SGCD: variants seen among roughly 807,000 people sequenced by gnomAD.
SGCD encodes the protein sarcoglycan delta, also known as delta-sarcoglycan.
SGCD carries 18 observed loss-of-function variants against 36.6 expected under a neutral mutation model. The ratio of observed to expected loss-of-function variants is 0.49; its 90% CI spans 0.34 to 0.73. The LOEUF (loss-of-function observed/expected upper bound fraction) is 0.73, where lower values mean the gene tolerates loss of function less well. Ranked by LOEUF, SGCD falls within the 30% of genes least tolerant of loss-of-function variation. The pLI, the probability that SGCD is intolerant of heterozygous loss-of-function variation, is 0.01. For missense variants in SGCD, 387 were observed against 346.7 expected (o/e 1.12, Z -0.92); for synonymous variants, 133 against 130.6 (o/e 1.02, Z -0.12).
chr5:156,712,969 T>C (rs1287297730), intron 7 of SGCD, among the ~76,000 whole-genome samples: 1 of 152,202 alleles, frequency 6.6e-6, no homozygotes, highest in African/African-American at 2.4e-5. Flanking sequence ...TGCCATCATC[T>C]AGAGAGACAA....
At chr5:156,087,006 G>GCC (rs1283945279) in intron 1 of SGCD, among the ~76,000 whole-genome samples, 1 of 152,126 alleles carries the variant, frequency 6.6e-6, no homozygotes, top group Non-Finnish European at 1.5e-5. Flanking sequence ...CATGAAGGAA[G>GCC]CCTGTTGGAG....
chr5:156,189,435 G>C (rs1324990367), intron 3 of SGCD, among the ~76,000 whole-genome samples: 1 of 152,202 alleles, frequency 6.6e-6, no homozygotes, highest in Non-Finnish European at 1.5e-5. Flanking sequence ...TTTTAGAACT[G>C]GAAGGGGACC....
intron 1 of SGCD, among the ~76,000 whole-genome samples, chr5:156,029,876 T>C (rs1274721022): frequency 6.6e-6 from 1 of 152,186 alleles, no homozygotes; most frequent in Non-Finnish European, 1.5e-5. Context: ...CTTGGAAACT[T>C]ACAGCCTCTT....
At chr5:156,045,091 A>G (rs754665321) in intron 1 of SGCD, among the ~76,000 whole-genome samples, 2 of 152,178 alleles carry the variant, frequency 1.3e-5, no homozygotes, top group African/African-American at 4.8e-5. Context: ...TGAGACAGAA[A>G]GAGAATTGGG....
chr5:155,959,317 G>C (rs934614618), intron 1 of SGCD, among the ~76,000 whole-genome samples: 3 of 152,136 alleles, frequency 2.0e-5, no homozygotes, highest in Admixed American at 1.3e-4. Flanking sequence ...GTGCAGAGCT[G>C]TCTCCTTCAT....
intron 3 of SGCD, among the ~76,000 whole-genome samples, chr5:156,353,102 A>G (rs1769336259): frequency 6.6e-6 from 1 of 152,250 alleles, no homozygotes; most frequent in South Asian, 2.1e-4. Context: ...TCCATAACTC[A>G]GGACCCTGAC....
intron 7 of SGCD, among the ~76,000 whole-genome samples, chr5:156,681,015 A>G (rs759268682): frequency 6.6e-6 from 1 of 152,038 alleles, no homozygotes; most frequent in Non-Finnish European, 1.5e-5. Context: ...TGGCAGAAGC[A>G]GGCTCTCTGT....
chr5:156,534,991 T>G (rs977398240), intron 4 of SGCD, among the ~76,000 whole-genome samples: 11 of 152,228 alleles, frequency 7.2e-5, no homozygotes, highest in Non-Finnish European at 1.5e-5. Context: ...CATTTATTAA[T>G]TCCAGTTGCA....
intron 7 of SGCD, among the ~76,000 whole-genome samples, chr5:156,691,756 C>G (rs1339529368): frequency 6.6e-6 from 1 of 152,158 alleles, no homozygotes; most frequent in East Asian, 1.9e-4. Context: ...TTACCAACCC[C>G]TAGATTGGAA....
At chr5:155,814,334 G>A in the SGCD span, among the ~76,000 whole-genome samples, 6 of 152,254 alleles carry the variant, frequency 3.9e-5, no homozygotes, top group African/African-American at 1.4e-4. Context: ...ATTTTAAACT[G>A]TCACTTCTCT....
intron 3 of SGCD, among the ~76,000 whole-genome samples, chr5:156,350,880 C>T (rs1220045500): frequency 1.3e-5 from 2 of 152,178 alleles, no homozygotes; most frequent in African/African-American, 4.8e-5. Context: ...ACCCAAGGCT[C>T]AGAGAAGTTG....
intron 1 of SGCD, among the ~76,000 whole-genome samples, chr5:155,974,500 T>C (rs140540781): frequency 0.015 from 2,255 of 151,164 alleles, 26 homozygotes; most frequent in Non-Finnish European, 0.02. Flanking sequence ...ATCCACAGGG[T>C]ATCCAATGAT....
chr5:156,179,619 A>AC (rs1763555770), intron 3 of SGCD, among the ~76,000 whole-genome samples: 1 of 145,030 alleles, frequency 6.9e-6, no homozygotes, highest in Non-Finnish European at 1.5e-5. Flanking sequence ...TAATTTTCCA[A>AC]CTTTTTTTTT....
At chr5:156,373,619 C>T (rs183395843) in intron 3 of SGCD, among the ~76,000 whole-genome samples, 1,571 of 152,232 alleles carry the variant, frequency 0.01, 18 homozygotes, top group Non-Finnish European at 0.016. Context: ...CCTTACATTT[C>T]CAGAAATCTC....
intron 1 of SGCD, among the ~76,000 whole-genome samples, chr5:156,094,151 C>G (rs1463817516): frequency 1.3e-5 from 2 of 152,062 alleles, no homozygotes; most frequent in African/African-American, 4.8e-5. Context: ...AGACATTGGC[C>G]AGGGGGAGAG....
chr5:156,309,599 GC>G (rs1767333120), intron 3 of SGCD, among the ~76,000 whole-genome samples: 1 of 126,474 alleles, frequency 7.9e-6, no homozygotes, highest in Non-Finnish European at 1.6e-5. Context: ...AGATCTTTGA[GC>G]ATTTTTTTTT....
chr5:156,037,574 TTG>T (rs1759529875), intron 1 of SGCD, among the ~76,000 whole-genome samples: 1 of 152,228 alleles, frequency 6.6e-6, no homozygotes, highest in African/African-American at 2.4e-5. Context: ...CTTGCATCTG[TTG>T]TGTTCCATCT....
At chr5:156,612,329 A>C (rs1761853653) in intron 6 of SGCD, among the ~76,000 whole-genome samples, 1 of 152,226 alleles carries the variant, frequency 6.6e-6, no homozygotes, top group South Asian at 2.1e-4. Flanking sequence ...CAGTTTCTTC[A>C]GCTGAAAACT....
At chr5:156,079,560 T>A (rs76666190) in intron 1 of SGCD, among the ~76,000 whole-genome samples, 1 of 152,106 alleles carries the variant, frequency 6.6e-6, no homozygotes, top group East Asian at 1.9e-4. Flanking sequence ...GTAAAGACAT[T>A]GGGTAAACAT....
Sources: allele counts gnomAD v4.1 joint callset (sites outside exome capture counted in the v4.1 genomes callset), GRCh38; gene constraint gnomAD v4.1.1; transcripts MANE v1.5; gene names NCBI Gene and HGNC (gene_info 2026-07-23, HGNC 2026-07-21).